The following ALG6 variants were observed in gnomAD, a reference collection of about 807,000 sequenced individuals.
The protein encoded by ALG6 is dolichyl pyrophosphate Man9GlcNAc2 alpha-1,3-glucosyltransferase.
Under a neutral mutation model 66.6 loss-of-function variants are expected in ALG6, and 46 were observed. That is an observed-to-expected ratio of 0.69 (90% CI 0.55 to 0.88). The LOEUF (loss-of-function observed/expected upper bound fraction) is 0.88, where lower values mean the gene tolerates loss of function less well. ALG6 is among the 40% of genes least tolerant of loss of function. ALG6 has a pLI of 0.00. For missense variants in ALG6, 505 were observed against 586.8 expected, an observed-to-expected ratio of 0.86 and a Z score of 1.44; for synonymous variants, 185 against 203.7, an observed-to-expected ratio of 0.91 and a Z score of 0.78.
rs1033473566 is a variant in ALG6, at chr1:63,433,135, G to C, written c.1327-3688G>C. On this transcript the variant is annotated intron_variant, in intron 14 of 14. Coordinates refer to ENST00000263440, the MANE Select transcript of ALG6 (RefSeq NM_013339.4). The surrounding 1 kb of genome is among the most constrained non-coding windows in gnomAD (Gnocchi z 4.2). The stretch of plus-strand genomic sequence containing the variant: ...TTTTTGTATTTTTAATAGAGACGGG[G>C]TTTCACCATATTGGCCAGGCTGGTC... Among the ~76,000 whole-genome samples the C allele has an allele frequency of 6.6e-6, 1 of 152,052 alleles. No homozygotes were observed. The highest frequency in any genetic ancestry group is 1.5e-5 in the Non-Finnish European group (1 of 68,024).
intron 5 of ALG6, among the ~76,000 whole-genome samples, chr1:63,405,371 G>A (rs1644485203): frequency 6.6e-6 from 1 of 152,080 alleles, no homozygotes; most frequent in African/African-American, 2.4e-5. Flanking sequence ...TTTTCAGAGA[G>A]CTCCAGTCAT....
intron 14 of ALG6, among the ~76,000 whole-genome samples, chr1:63,434,998 C>T (rs904076865): frequency 5.3e-5 from 8 of 152,134 alleles, no homozygotes; most frequent in Admixed American, 5.2e-4. Flanking sequence ...ATTTCAAATG[C>T]TAATGAGAGA....
At chr1:63,435,974 CTT>C (rs1644676754) in intron 14 of ALG6, among the ~76,000 whole-genome samples, 1 of 152,118 alleles carries the variant, frequency 6.6e-6, no homozygotes, top group Admixed American at 6.6e-5. Context: ...GCCAGTGTGA[CTT>C]TGTGATTTTA....
At chr1:63,381,798 ATCTGTGAT>A (rs1248250427) in intron 2 of ALG6, among the ~76,000 whole-genome samples, 1 of 152,248 alleles carries the variant, frequency 6.6e-6, no homozygotes, top group Non-Finnish European at 1.5e-5. Context: ...AATGAATAAC[ATCTGTGAT>A]TCTGCTGAGA....
At chr1:63,385,402 G>A (rs538861546) in intron 2 of ALG6, among the ~76,000 whole-genome samples, 18 of 151,474 alleles carry the variant, frequency 1.2e-4, no homozygotes, top group Non-Finnish European at 2.4e-4. Context: ...TAGTAGAAAC[G>A]GGGTTTCACC....
intron 2 of ALG6, among the ~76,000 whole-genome samples, chr1:63,382,651 GTTTGTTTTTTTTTGTTTTTTTT>G (rs1557581380): frequency 0.035 from 837 of 24,058 alleles, 19 homozygotes; most frequent in African/African-American, 0.18. Flanking sequence ...GTTTTTTTTT[GTTTGTTTTTTTTTGTTTTTTTT>G]TTTTTGTTTT....
intron 4 of ALG6, among the ~76,000 whole-genome samples, chr1:63,404,048 T>C (rs768561457): frequency 6.6e-6 from 1 of 152,216 alleles, no homozygotes; most frequent in Non-Finnish European, 1.5e-5. Flanking sequence ...GATTTATGAT[T>C]ATTATAGCTG....
chr1:63,400,366 T>C (rs1186198141), intron 3 of ALG6, among the ~76,000 whole-genome samples: 1 of 132,124 alleles, frequency 7.6e-6, no homozygotes, highest in Admixed American at 8.1e-5. Flanking sequence ...TATATGTATA[T>C]ATATGTATAT....
chr1:63,375,097 C>A (rs1648075231), intron 2 of ALG6, among the ~76,000 whole-genome samples: 1 of 151,848 alleles, frequency 6.6e-6, no homozygotes, highest in African/African-American at 2.4e-5. Context: ...GCTACTCGGG[C>A]CTCTGAGGTG....
intron 2 of ALG6, among the ~76,000 whole-genome samples, chr1:63,384,053 G>T (rs532528492): frequency 2.6e-5 from 4 of 151,958 alleles, no homozygotes; most frequent in African/African-American, 4.8e-5. Context: ...TTATTCATTC[G>T]TCTGCTGATG....
At chr1:63,422,268 A>AATATATATATTTATATAG (rs1644585117) in intron 12 of ALG6, among the ~76,000 whole-genome samples, 1 of 49,904 alleles carries the variant, frequency 2.0e-5, no homozygotes, top group Admixed American at 2.7e-4. Flanking sequence ...TATAGATATA[A>AATATATATATTTATATAG]ATATATATAT....
At chr1:63,417,774 A>G (rs574719065) in intron 11 of ALG6, among the ~76,000 whole-genome samples, 1 of 152,272 alleles carries the variant, frequency 6.6e-6, no homozygotes, top group South Asian at 2.1e-4. Flanking sequence ...TGCTAGTGGC[A>G]GGAGAGGGAC....
intron 4 of ALG6, among the ~76,000 whole-genome samples, chr1:63,402,729 A>C (rs1644471299): frequency 6.6e-6 from 1 of 150,940 alleles, no homozygotes; most frequent in African/African-American, 2.4e-5. Context: ...AGCCTCCCAA[A>C]GTGCTGGGAT....
intron 3 of ALG6, among the ~76,000 whole-genome samples, chr1:63,400,861 A>G (rs968571443): frequency 8.5e-5 from 13 of 152,198 alleles, no homozygotes; most frequent in Admixed American, 5.9e-4. Flanking sequence ...ATGCTTCAAC[A>G]GCTCTGAGGC....
intron 2 of ALG6, among the ~76,000 whole-genome samples, chr1:63,392,808 A>G (rs1333181408): frequency 6.6e-6 from 1 of 152,226 alleles, no homozygotes; most frequent in African/African-American, 2.4e-5. Flanking sequence ...CCATAGGTAC[A>G]GTTGGGTTGT....
rs761096173 is a variant in ALG6 at position 63,411,181 on chromosome 1, G to A, written c.530G>A (p.Gly177Asp). Reference sequence around the variant, plus strand: ...GTGAGTCTTGGCTTTGCTTTGTGGGGTGTTCTTGGAATATCTTGTGACTGC... The same window carrying A: ...GTGAGTCTTGGCTTTGCTTTGTGGGATGTTCTTGGAATATCTTGTGACTGC... ...NSVSLGFALW[G>D]VLGISCDCDL... Residue 177 changes from glycine to aspartate, a missense_variant, in exon 8 of 15, where the codon GGT becomes GAT. Coordinates refer to ENST00000263440, the MANE Select transcript of ALG6 (RefSeq NM_013339.4). 6.2e-7 allele frequency: 1 copy of A among 1,613,830 alleles called. No homozygotes were observed. Among genetic ancestry groups the A allele is most frequent in the East Asian group, 2.2e-5 (1 of 44,852 alleles).
chr1:63,371,184 A>C, intron 2 of ALG6, 125 bp downstream of exon 2: 1 of 682,848 alleles, frequency 1.5e-6, no homozygotes, highest in Non-Finnish European at 2.6e-6. Flanking sequence ...GATATGGTTG[A>C]GAAAATACAT....
chr1:63,381,642 TTAAAA>T (rs1324937590), intron 2 of ALG6, among the ~76,000 whole-genome samples: 2 of 138,806 alleles, frequency 1.4e-5, no homozygotes, highest in Admixed American at 7.5e-5. Context: ...AAGACCCTGT[TTAAAA>T]GAAAAGAAAA....
intron 10 of ALG6, among the ~76,000 whole-genome samples, chr1:63,414,662 C>G (rs1185230274): frequency 1.3e-5 from 2 of 152,188 alleles, no homozygotes; most frequent in African/African-American, 2.4e-5. Flanking sequence ...ACCTTGTTCT[C>G]TCCTTGAACA....
Sources: allele counts gnomAD v4.1 joint callset (sites outside exome capture counted in the v4.1 genomes callset), GRCh38; gene constraint gnomAD v4.1.1; non-coding constraint Gnocchi (gnomAD v3.1); transcripts MANE v1.5; gene names NCBI Gene and HGNC (gene_info 2026-07-23, HGNC 2026-07-21).